NBDY: variants seen among roughly 807,000 people sequenced by gnomAD.
NBDY encodes the protein P-body dissociating protein.
chrX:56,755,771 C>G lies in NBDY; in HGVS notation c.*166+23572C>G, dbSNP rs2069607395. Among the ~76,000 whole-genome samples the G allele has an allele frequency of 2.8e-5, 3 of 108,660 alleles. No homozygotes were observed. In the South Asian group the frequency reaches 1.3e-3, roughly 45 times the overall value. The allele number at this position is 108,660 out of a possible 115,157, so 94.4% of individuals were successfully genotyped here. On this transcript the variant is annotated intron_variant, in intron 2 of 2. Coordinates refer to ENST00000374922, the MANE Select transcript of NBDY (RefSeq NM_001348129.2). ...ATCTAGAACTAGAAATACCATTTGA[C>G]CCAGCCATCCCATTACTGGGTATAT...
At chrX:56,781,127 C>T (rs750555138) in intron 2 of NBDY, among the ~76,000 whole-genome samples, 3 of 111,371 alleles carry the variant, frequency 2.7e-5, no homozygotes, top group African/African-American at 9.8e-5. Context: ...CTTGTTTTTA[C>T]CTTTGAACAT....
Position 56,818,743 on chromosome X carries a change from G to GTA in NBDY, c.*1593_*1594dup, listed in dbSNP as rs1227173069. Reference sequence around the variant, plus strand: ...CCAGAATAGCCAAAACAATCTTGAAGTATACAAAGTTTGAAGAGTCACATT... The same window carrying GTA: ...CCAGAATAGCCAAAACAATCTTGAAGTATATACAAAGTTTGAAGAGTCACATT... On this transcript the variant is annotated 3_prime_UTR_variant, in exon 3 of 3. Transcript: ENST00000374922. 9.0e-6 allele frequency: 1 copy of GTA among 111,640 alleles called. No homozygotes were observed. Among genetic ancestry groups the GTA allele is most frequent in the Admixed American group, 9.5e-5 (1 of 10,484 alleles). The allele number at this position is 111,640 out of a possible 1,213,427, so 9.2% of individuals were successfully genotyped here. A position where few individuals can be genotyped will look rare whatever the true frequency, so the allele number is the denominator to read the frequency against.
At chrX:56,810,015 T>A (rs746979393) in intron 2 of NBDY, among the ~76,000 whole-genome samples, 1 of 111,429 alleles carries the variant, frequency 9.0e-6, no homozygotes, top group Non-Finnish European at 1.9e-5. Context: ...CCTATGAAAC[T>A]TAGTTTGGCT....
intron 2 of NBDY, among the ~76,000 whole-genome samples, chrX:56,801,120 C>T (rs182819826): frequency 2.7e-3 from 302 of 111,419 alleles, no homozygotes; most frequent in African/African-American, 9.1e-3. Context: ...TGATACCACT[C>T]GGAAAAGAAC....
chrX:56,801,975 TAGACACACAC>T (rs1415135780), intron 2 of NBDY, among the ~76,000 whole-genome samples: 13 of 50,454 alleles, frequency 2.6e-4, no homozygotes, highest in African/African-American at 9.6e-4. Context: ...CACAAACTCA[TAGACACACAC>T]ACACACACAC....
rs759142922 is a variant in NBDY at position 56,733,712 on chromosome X, A to G, written c.*166+1513A>G. ...GGACTTTCCTTGTTTTCCAAAGAGCAATGTGTCTTGTTCACTTTCTAACCA... is the reference window on the plus strand; with the variant it reads ...GGACTTTCCTTGTTTTCCAAAGAGCGATGTGTCTTGTTCACTTTCTAACCA... On this transcript the variant is annotated intron_variant, in intron 2 of 2. Coordinates refer to ENST00000374922, the MANE Select transcript of NBDY (RefSeq NM_001348129.2). Among the ~76,000 whole-genome samples the G allele has an allele frequency of 4.5e-5, 5 of 112,068 alleles. No individual in the cohort carries two copies. The South Asian group carries it at 1.5e-3, about 34-fold the overall frequency.
chrX:56,804,594 G>A (rs1336691503), intron 2 of NBDY, among the ~76,000 whole-genome samples: 2 of 112,631 alleles, frequency 1.8e-5, no homozygotes, highest in Non-Finnish European at 3.8e-5. Context: ...CTGTGTTCCT[G>A]TGCTGGGCAT....
chrX:56,757,872 G>A (rs1421619676), intron 2 of NBDY, among the ~76,000 whole-genome samples: 2 of 111,194 alleles, frequency 1.8e-5, no homozygotes, highest in East Asian at 2.8e-4. Context: ...TTGTATTTCC[G>A]GGAAACAGGG....
intron 2 of NBDY, chrX:56,737,384 C>A: frequency 3.0e-6 from 2 of 658,913 alleles, no homozygotes; most frequent in Non-Finnish European, 5.0e-6. Flanking sequence ...GTCCAATGCA[C>A]TCTTAATGTG....
At chrX:56,764,392 T>C (rs750118885) in intron 2 of NBDY, among the ~76,000 whole-genome samples, 10 of 111,444 alleles carry the variant, frequency 9.0e-5, no homozygotes, top group African/African-American at 2.6e-4. Context: ...GGCTGACTGG[T>C]CTTGGGGCTG....
intron 2 of NBDY, among the ~76,000 whole-genome samples, chrX:56,752,671 A>G (rs1428692064): frequency 9.0e-6 from 1 of 110,984 alleles, no homozygotes; most frequent in Non-Finnish European, 1.9e-5. Context: ...GTGCAGTGGC[A>G]AGATCTCAGC....
chrX:56,755,406 A>C, intron 2 of NBDY, among the ~76,000 whole-genome samples: 1 of 112,302 alleles, frequency 8.9e-6, no homozygotes. Context: ...CAACGGGCTA[A>C]TATCCAGAAT....
intron 2 of NBDY, among the ~76,000 whole-genome samples, chrX:56,750,555 T>C (rs554100318): frequency 3.6e-5 from 4 of 111,351 alleles, no homozygotes; most frequent in African/African-American, 1.3e-4. Flanking sequence ...ACCTGCCTGC[T>C]CTTTCTGTGT....
At chrX:56,803,757 G>A (rs1465521538) in intron 2 of NBDY, among the ~76,000 whole-genome samples, 1 of 111,879 alleles carries the variant, frequency 8.9e-6, no homozygotes, top group Non-Finnish European at 1.9e-5. Context: ...TCCAGAAATG[G>A]CAGTCACTTA....
intron 2 of NBDY, among the ~76,000 whole-genome samples, chrX:56,765,568 C>G (rs762191024): frequency 2.3e-4 from 26 of 111,706 alleles, no homozygotes; most frequent in African/African-American, 8.5e-4. Context: ...TGTCACCACG[C>G]GTTGAGGCCC....
chrX:56,790,353 G>T (rs888740648), intron 2 of NBDY, among the ~76,000 whole-genome samples: 3 of 111,899 alleles, frequency 2.7e-5, no homozygotes, highest in African/African-American at 9.8e-5. Flanking sequence ...CACCCCATGG[G>T]TATTGATTCC....
At chrX:56,803,056 T>C (rs990968664) in intron 2 of NBDY, among the ~76,000 whole-genome samples, 1 of 111,972 alleles carries the variant, frequency 8.9e-6, no homozygotes, top group African/African-American at 3.3e-5. Flanking sequence ...GAGCGGAATC[T>C]GTTTCTGGAA....
rs991653095 is a variant in NBDY at position 56,817,463 on chromosome X, A to T, written c.*310A>T. The T allele has an allele frequency of 5.4e-5, 6 of 111,862 alleles. No individual in the cohort carries two copies. The highest frequency in any genetic ancestry group is 1.9e-4 in the African/African-American group (6 of 30,773). 9.2% of individuals were successfully genotyped at this position (111,862 alleles called of 1,213,427 possible). A position where few individuals can be genotyped will look rare whatever the true frequency, so the allele number is the denominator to read the frequency against. On this transcript the variant is annotated 3_prime_UTR_variant, in exon 3 of 3. Coordinates refer to ENST00000374922, the MANE Select transcript of NBDY (RefSeq NM_001348129.2). ...TACCAAAGCAAACAATGCCTGTGAG[A>T]TGGTCCTGCAGCAGCCAACCAGTGA...
Position 56,798,901 on chromosome X carries a change from C to T in NBDY, c.*167-18419C>T, listed in dbSNP as rs181204799. On this transcript the variant is annotated intron_variant, in intron 2 of 2. Coordinates refer to ENST00000374922, the MANE Select transcript of NBDY (RefSeq NM_001348129.2). ...TTTTTCTCGTTCTCCTTCCTATTTG[C>T]TTTTTTCACATTGGAAAAGGTGGAG... Among the ~76,000 whole-genome samples, 42 of 112,015 alleles carry T rather than the reference C, an allele frequency of 3.7e-4. No homozygotes were observed. In the East Asian group the frequency reaches 0.01, roughly 28 times the overall value.
Sources: gnomAD v4.1 joint callset for allele counts (sites outside exome capture counted in the v4.1 genomes callset) on GRCh38, gnomAD v4.1.1 for gene constraint, MANE v1.5 for transcripts, NCBI Gene and HGNC (gene_info 2026-07-23, HGNC 2026-07-21) for gene names.